The following SERPINB2 variants were observed in gnomAD, a reference collection of about 807,000 sequenced individuals.
SERPINB2 encodes serpin family B member 2, also known as plasminogen activator inhibitor 2.
In SERPINB2, 28 loss-of-function variants were observed where a neutral mutation model predicts 39.4. The ratio of observed to expected loss-of-function variants is 0.71; its 90% confidence interval spans 0.53 to 0.97. The LOEUF (loss-of-function observed/expected upper bound fraction) is 0.97. SERPINB2 is among the 50% of genes least tolerant of loss of function. The pLI is 0.00. For synonymous variants in SERPINB2, 209 were observed against 175.1 expected (o/e 1.19, Z -1.53); for missense variants, 557 against 505.3 (o/e 1.10, Z -0.98).
At chr18:63,891,727 G>C (rs1269797972) in intron 2 of SERPINB2, 115 bp downstream of exon 2, 2 of 1,028,388 alleles carry the variant, frequency 1.9e-6, no homozygotes, top group East Asian at 5.3e-5. Context: ...AATCATCACA[G>C]GTAATGAAGC....
At position 63,897,048 on chromosome 18, in the gene SERPINB2, T is replaced by C. The variant is rs189391629; in HGVS notation, c.289-43T>C. 118 of 1,578,304 alleles carry C rather than the reference T, an allele frequency of 7.5e-5. 1 individual carries two copies. In the East Asian group the frequency reaches 2.3e-3, roughly 31 times the overall value. On this transcript the variant is annotated intron_variant, in intron 3 of 7. Coordinates refer to ENST00000299502, the MANE Select transcript of SERPINB2 (RefSeq NM_002575.3). Reference sequence around the variant, plus strand: ...ATGGCTTAAGAACTATCTTGTTTAGTAGTTCTGTGTTATATATAAAGAATT... The same window carrying C: ...ATGGCTTAAGAACTATCTTGTTTAGCAGTTCTGTGTTATATATAAAGAATT...
In SERPINB2 at chr18:63,903,270, T is replaced by G. The variant is rs1213079848; in HGVS notation, c.1213T>G (p.Cys405Gly). Residue 405 changes from cysteine to glycine, a missense_variant, in exon 8 of 8, where the codon TGC becomes GGC. Coordinates refer to ENST00000299502, the MANE Select transcript of SERPINB2 (RefSeq NM_002575.3). ...LFLIMHKITN[C>G]ILFFGRFSSP ...TCTTATTATGCATAAGATAACCAAC[T>G]GCATTTTATTTTTCGGCAGATTTTC... 6.5e-7 allele frequency: 1 copy of G among 1,542,134 alleles called. No individual in the cohort carries two copies.
chr18:63,890,201 T>C (rs2049916845), intron 1 of SERPINB2: 1 of 152,164 alleles, frequency 6.6e-6, no homozygotes, highest in African/African-American at 2.4e-5. Context: ...TAAATTCCAA[T>C]CACTTTCTTA....
At position 63,896,338 on chromosome 18, in the gene SERPINB2, A is replaced by G. The variant is rs1404060617; in HGVS notation, c.289-753A>G. 2.0e-5 allele frequency among the ~76,000 whole-genome samples: 3 copies of G among 152,198 alleles called. No individual in the cohort carries two copies. In the East Asian group the frequency reaches 5.8e-4, roughly 29 times the overall value. On this transcript the variant is annotated intron_variant, in intron 3 of 7. Transcript: ENST00000299502. ...GGTGCTTACAAACTTCAGTTTGAGA[A>G]CTGAAATAACCATTCACTTTTGTGG...
chr18:63,900,603 A>C (rs2049985629), intron 5 of SERPINB2, among the ~76,000 whole-genome samples: 1 of 152,194 alleles, frequency 6.6e-6, no homozygotes, highest in Non-Finnish European at 1.5e-5. Flanking sequence ...CAGTTTACGC[A>C]GAAATTTCTA....
chr18:63,890,672 T>A (rs548166883), intron 1 of SERPINB2: 1 of 152,620 alleles, frequency 6.6e-6, no homozygotes, highest in African/African-American at 2.4e-5. Flanking sequence ...TGGCATTGAC[T>A]TTCTACCTGG....
intron 1 of SERPINB2, 129 bp from the exon 2 acceptor site, chr18:63,891,307 T>C (rs2049924209): frequency 1.3e-5 from 12 of 942,586 alleles, no homozygotes; most frequent in Non-Finnish European, 1.9e-5. Flanking sequence ...CCTCATGTTG[T>C]TCCATGAGGA....
Position 63,897,222 on chromosome 18 carries a change from A to G in SERPINB2, c.417+3A>G. 6.2e-7 allele frequency: 1 copy of G among 1,607,114 alleles called. No homozygotes were observed. Among genetic ancestry groups the G allele is most frequent in the Non-Finnish European group, 8.5e-7 (1 of 1,177,080 alleles). On this transcript the variant is annotated splice_donor_region_variant and intron_variant, in intron 4 of 7. Transcript: ENST00000299502. The stretch of plus-strand genomic sequence containing the variant: ...AGAAGTCTGCGAGCTTCCGGGAAGT[A>G]AGTGAAACCTGTAATTGAAATGGCT...
Position 63,901,857 on chromosome 18 carries a change from G to C in SERPINB2, c.653G>C (p.Gly218Ala), listed in dbSNP as rs143202684. ...ACTCCATTTGAGAAGAAACTAAATG[G>C]GCTTTATCCTTTCCGTGTAAACTCG... ...WKTPFEKKLNGLYPFRVNSAQ... is the reference protein window; with the variant it reads ...WKTPFEKKLNALYPFRVNSAQ... The change falls in exon 6 of 8, where the codon GGG becomes GCG. Residue 218 changes from glycine to alanine, a missense_variant. Coordinates refer to ENST00000299502, the MANE Select transcript of SERPINB2 (RefSeq NM_002575.3). 3,235 of 1,601,078 alleles carry C rather than the reference G, an allele frequency of 2.0e-3. 12 individuals are homozygous for C. The highest frequency in any genetic ancestry group is 9.0e-3 in the South Asian group (790 of 88,098).
intron 3 of SERPINB2, among the ~76,000 whole-genome samples, chr18:63,896,233 G>A (rs1396580019): frequency 6.6e-6 from 1 of 152,160 alleles, no homozygotes; most frequent in Non-Finnish European, 1.5e-5. Context: ...GTGTTCTGTG[G>A]TACCTGGCAG....
In SERPINB2 at chr18:63,903,214, C is replaced by G. The variant is rs534208233; in HGVS notation, c.1157C>G (p.Pro386Arg). 8 of 1,612,360 alleles carry G rather than the reference C, an allele frequency of 5.0e-6. No individual in the cohort carries two copies. The African/African-American group carries it at 1.1e-4, about 22-fold the overall frequency. The part of the protein sequence containing the change: ...VMTGRTGHGG[P>R]QFVADHPFLF... ...ACAGGGAGAACTGGACATGGAGGCC[C>G]ACAGTTTGTGGCAGATCATCCTTTT... Residue 386 changes from proline to arginine, a missense_variant, in exon 8 of 8, where the codon CCA (proline) becomes CGA (arginine). Pro to Arg is a moderately radical substitution (Grantham distance 103, BLOSUM62 -2). Coordinates refer to ENST00000299502, the MANE Select transcript of SERPINB2 (RefSeq NM_002575.3).
Position 63,895,359 on chromosome 18 carries a change from T to C in SERPINB2, c.264T>C (p.Gly88=). The change falls in exon 3 of 8, where the codon GGT becomes GGC. Residue 88 remains glycine, a synonymous_variant. Coordinates refer to ENST00000299502, the MANE Select transcript of SERPINB2 (RefSeq NM_002575.3). ...SCGFMQQIQK[G]SYPDAILQAQ... ...GGTTCATGCAGCAGATCCAGAAGGG[T>C]AGTTATCCTGATGCGATTTTGCAGG... 6.2e-7 allele frequency: 1 copy of C among 1,614,032 alleles called. No homozygotes were observed. The highest frequency in any genetic ancestry group is 1.7e-5 in the Admixed American group (1 of 60,002).
At chr18:63,888,024 G>A (rs1394391274) in intron 1 of SERPINB2, among the ~76,000 whole-genome samples, 1 of 152,144 alleles carries the variant, frequency 6.6e-6, no homozygotes, top group Non-Finnish European at 1.5e-5. Flanking sequence ...AAAACAAAAT[G>A]TACATTCAGA....
chr18:63,889,147 C>A (rs938608229), intron 1 of SERPINB2, among the ~76,000 whole-genome samples: 2 of 152,144 alleles, frequency 1.3e-5, no homozygotes, highest in African/African-American at 4.8e-5. Flanking sequence ...ATTCATATTA[C>A]AGAAATTACT....
chr18:63,902,308 C>T (rs1381278898), intron 6 of SERPINB2, 96 bp from the exon 7 acceptor site: 2 of 1,105,500 alleles, frequency 1.8e-6, no homozygotes, highest in Non-Finnish European at 2.5e-6. Flanking sequence ...CACATTTATC[C>T]TACACTAAAG....
Position 63,903,492 on chromosome 18 carries a change from T to C in SERPINB2, c.*187T>C. On this transcript the variant is annotated 3_prime_UTR_variant, in exon 8 of 8. Coordinates refer to ENST00000299502, the MANE Select transcript of SERPINB2 (RefSeq NM_002575.3). ...ATTGTCTATTATAACATGACAACCCTATTAATCATTTGGTCTTCTAAAATG... is the reference window on the plus strand; with the variant it reads ...ATTGTCTATTATAACATGACAACCCCATTAATCATTTGGTCTTCTAAAATG... 1 of 445,350 alleles carries C rather than the reference T, an allele frequency of 2.2e-6. No homozygotes were observed. Among genetic ancestry groups the C allele is most frequent in the Non-Finnish European group, 3.7e-6 (1 of 272,400 alleles). The allele number at this position is 445,350 out of a possible 1,614,324, so 27.6% of individuals were successfully genotyped here.
In SERPINB2 at chr18:63,891,516, C is replaced by T. The variant is rs2049925846; in HGVS notation, c.72C>T (p.Pro24=). ...NLFKHLAKAS[P]TQNLFLSPWS... ...TCAAGCATCTGGCAAAAGCAAGCCC[C>T]ACCCAGAACCTCTTCCTCTCCCCAT... is the stretch of plus-strand genomic sequence containing the variant. Residue 24 remains proline, a synonymous_variant, in exon 2 of 8, where the codon CCC becomes CCT. Transcript: ENST00000299502. 5 of 1,614,082 alleles carry T rather than the reference C, an allele frequency of 3.1e-6. No individual in the cohort carries two copies. In the South Asian group the frequency reaches 3.3e-5, roughly 11 times the overall value.
chr18:63,901,583 A>G (rs948211341), intron 5 of SERPINB2, among the ~76,000 whole-genome samples, 157 bp from the exon 6 acceptor site: 1 of 152,148 alleles, frequency 6.6e-6, no homozygotes, highest in African/African-American at 2.4e-5. Context: ...ATTTGTTTCA[A>G]TTTTAATTTT....
At position 63,903,289 on chromosome 18, in the gene SERPINB2, G is replaced by T. The variant is rs576053393; in HGVS notation, c.1232G>T (p.Arg411Ile). Residue 411 changes from arginine to isoleucine, a missense_variant, in exon 8 of 8, where the codon AGA (arginine) becomes ATA (isoleucine). By Grantham distance (97) the Arg-to-Ile change is moderately conservative. Coordinates refer to ENST00000299502, the MANE Select transcript of SERPINB2 (RefSeq NM_002575.3). The part of the protein sequence containing the change: ...KITNCILFFG[R>I]FSSP ...ACCAACTGCATTTTATTTTTCGGCA[G>T]ATTTTCCTCACCCTAAAACTAAGCG... The T allele has an allele frequency of 1.2e-5, 19 of 1,530,646 alleles. No individual in the cohort carries two copies. In the Admixed American group the frequency reaches 3.8e-4, roughly 31 times the overall value. The allele number at this position is 1,530,646 out of a possible 1,614,324, so 94.8% of individuals were successfully genotyped here.
Sources: allele counts gnomAD v4.1 joint callset (sites outside exome capture counted in the v4.1 genomes callset), GRCh38; gene constraint gnomAD v4.1.1; transcripts MANE v1.5; gene names NCBI Gene and HGNC (gene_info 2026-07-23, HGNC 2026-07-21).